The following CBFA2T3 variants were observed in gnomAD, a reference collection of about 807,000 sequenced individuals.
CBFA2T3 encodes CBFA2/RUNX1 partner transcriptional co-repressor 3.
In CBFA2T3, 31 loss-of-function variants were observed where a neutral mutation model predicts 58.6. That is an observed-to-expected ratio of 0.53 (90% confidence interval 0.40 to 0.71). CBFA2T3 has a LOEUF of 0.71. Among genes scored for constraint, CBFA2T3 ranks in the 30% least tolerant of loss-of-function variants. The probability of loss-of-function intolerance (pLI) is 0.00; values close to 1 mark genes in which losing one functional copy is unlikely to be tolerated. For synonymous variants in CBFA2T3, 531 were observed against 421.9 expected (o/e 1.26, Z -3.17); for missense variants, 1,076 against 963.1 (o/e 1.12, Z -1.55).
rs1352210531 is a variant in CBFA2T3 at position 88,877,045 on chromosome 16, G to A, written c.1893C>T (p.Ala631=). The A allele has an allele frequency of 1.3e-5, 20 of 1,514,192 alleles. No individual in the cohort carries two copies. Among genetic ancestry groups the A allele is most frequent in the East Asian group, 7.5e-5 (3 of 40,062 alleles). 93.8% of individuals were successfully genotyped at this position (1,514,192 alleles called of 1,614,324 possible). Residue 631 remains alanine (A), a synonymous_variant, in exon 12 of 12, where the codon GCC becomes GCT. Coordinates refer to ENST00000268679, the MANE Select transcript of CBFA2T3 (RefSeq NM_005187.6). Reference sequence around the variant, plus strand: ...CGGGGCGAGAAGGCCCCGCAGAGCCGGCTTCGCTGGGGCTGGCAGCACCCA... The same window carrying A: ...CGGGGCGAGAAGGCCCCGCAGAGCCAGCTTCGCTGGGGCTGGCAGCACCCA... The part of the protein sequence containing the change: ...LPVGAASPSE[A]GSAGPSRPGS...
In CBFA2T3 at chr16:88,916,766, C is replaced by T. The variant is rs113589816; in HGVS notation, c.152-15110G>A. ...AATGCCTCTTGGCCACTGGCACAGG[C>T]CCCTCCTTGCTACAGCCCCTGGGGG... On this transcript the variant is annotated intron_variant, in intron 1 of 11. Transcript: ENST00000268679. 5.3e-3 allele frequency among the ~76,000 whole-genome samples: 808 copies of T among 152,216 alleles called. 9 individuals carry two copies. The highest frequency in any genetic ancestry group is 0.016 in the African/African-American group (673 of 41,502).
chr16:88,889,945 GTGCGATTCCTCCTCCTCCAGGGACGA>G (rs1373144704), intron 5 of CBFA2T3, among the ~76,000 whole-genome samples: 11 of 130,236 alleles, frequency 8.4e-5, no homozygotes, highest in African/African-American at 3.0e-4. Context: ...GGACGACGCC[GTGCGATTCCTCCTCCTCCAGGGACGA>G]CGCCCCGTGA....
intron 1 of CBFA2T3, among the ~76,000 whole-genome samples, chr16:88,970,424 C>G (rs1972621407): frequency 6.6e-6 from 1 of 152,202 alleles, no homozygotes; most frequent in South Asian, 2.1e-4. Flanking sequence ...GCTGCCTTGC[C>G]TCTGGGAGGG....
intron 1 of CBFA2T3, among the ~76,000 whole-genome samples, chr16:88,905,090 C>T (rs933698264): frequency 1.3e-5 from 2 of 151,850 alleles, no homozygotes; most frequent in Admixed American, 1.3e-4. Flanking sequence ...AGAGAACAGC[C>T]TAGGAGTTGG....
At chr16:88,960,969 C>T (rs1002802883) in intron 1 of CBFA2T3, among the ~76,000 whole-genome samples, 5 of 152,168 alleles carry the variant, frequency 3.3e-5, no homozygotes, top group Non-Finnish European at 4.4e-5. Flanking sequence ...GATACGCTTA[C>T]GATTTAAAAA....
At chr16:88,941,531 G>C (rs1427318434) in intron 1 of CBFA2T3, among the ~76,000 whole-genome samples, 1 of 148,574 alleles carries the variant, frequency 6.7e-6, no homozygotes, top group Non-Finnish European at 1.5e-5. Flanking sequence ...CCGGGGCGGC[G>C]CCCTAAGAAC....
At chr16:88,940,145 C>T (rs1971663666) in intron 1 of CBFA2T3, 1 of 154,246 alleles carries the variant, frequency 6.5e-6, no homozygotes, top group South Asian at 2.0e-4. Context: ...GTTTTTCTTC[C>T]TGGGCCCTGG....
chr16:88,910,370 C>CTT (rs1195423166), intron 1 of CBFA2T3, among the ~76,000 whole-genome samples: 1 of 152,236 alleles, frequency 6.6e-6, no homozygotes, highest in Non-Finnish European at 1.5e-5. Context: ...CTTCTCTTCT[C>CTT]TTGTGGATGC....
intron 1 of CBFA2T3, among the ~76,000 whole-genome samples, chr16:88,911,387 C>G (rs1970526146): frequency 1.3e-5 from 2 of 152,232 alleles, no homozygotes; most frequent in South Asian, 4.1e-4. Context: ...GAGTCTCTGG[C>G]TCCCCTTGGG....
intron 1 of CBFA2T3, among the ~76,000 whole-genome samples, chr16:88,969,052 C>T (rs980179784): frequency 3.9e-5 from 6 of 152,154 alleles, no homozygotes; most frequent in African/African-American, 1.4e-4. Context: ...CCTGGTGCCC[C>T]CGTTTTGAGG....
intron 8 of CBFA2T3, chr16:88,881,751 A>C: frequency 1.6e-5 from 7 of 434,062 alleles, no homozygotes; most frequent in Admixed American, 3.8e-5. Context: ...CTCCTTTTTA[A>C]CCCGCTCAGC....
intron 1 of CBFA2T3, among the ~76,000 whole-genome samples, chr16:88,904,726 A>AT (rs1432581892): frequency 6.6e-6 from 1 of 150,440 alleles, no homozygotes; most frequent in Non-Finnish European, 1.5e-5. Flanking sequence ...CCCACCCCGG[A>AT]TTGTGCGGGG....
At chr16:88,944,363 A>T (rs954729532) in intron 1 of CBFA2T3, among the ~76,000 whole-genome samples, 1 of 150,688 alleles carries the variant, frequency 6.6e-6, no homozygotes, top group Non-Finnish European at 1.5e-5. Flanking sequence ...AAAAAAAGGA[A>T]ACCACCTCCC....
At chr16:88,897,997 C>A (rs1969951925) in intron 3 of CBFA2T3, 81 bp downstream of exon 3, 1 of 1,034,286 alleles carries the variant, frequency 9.7e-7, no homozygotes, top group South Asian at 1.3e-5. Context: ...TGAGCGCCCC[C>A]AGGGCAGCAG....
At chr16:88,973,051 G>A (rs1376355966) in intron 1 of CBFA2T3, among the ~76,000 whole-genome samples, 3 of 152,222 alleles carry the variant, frequency 2.0e-5, no homozygotes, top group African/African-American at 7.2e-5. Context: ...CAGCTCCAAA[G>A]CCCAGCAGAC....
chr16:88,895,683 C>G (rs1001775945), intron 3 of CBFA2T3, among the ~76,000 whole-genome samples: 6 of 152,194 alleles, frequency 3.9e-5, no homozygotes, highest in African/African-American at 1.4e-4. Context: ...CTCACTCCAG[C>G]CTGGGCCTCA....
At chr16:88,896,889 C>T (rs1437532922) in intron 3 of CBFA2T3, among the ~76,000 whole-genome samples, 2 of 152,180 alleles carry the variant, frequency 1.3e-5, no homozygotes, top group African/African-American at 4.8e-5. Flanking sequence ...TGCCCGCGCA[C>T]TCCCTCCCGC....
At position 88,874,902 on chromosome 16, in the gene CBFA2T3, T is replaced by C. The variant is rs1362783920; in HGVS notation, c.*2074A>G. The C allele has an allele frequency of 4.3e-6, 1 of 232,274 alleles. No individual in the cohort carries two copies. Among genetic ancestry groups the C allele is most frequent in the Non-Finnish European group, 8.5e-6 (1 of 117,144 alleles). 14.4% of individuals were successfully genotyped at this position (232,274 alleles called of 1,614,324 possible). A position where few individuals can be genotyped will look rare whatever the true frequency, so the allele number is the denominator to read the frequency against. On this transcript the variant is annotated 3_prime_UTR_variant, in exon 12 of 12. Transcript: ENST00000268679. ...TTGGCAAACATCTCGTTTATTACCATCATGAATATCATTTGGACCTCTGCA... is the reference window on the plus strand; with the variant it reads ...TTGGCAAACATCTCGTTTATTACCACCATGAATATCATTTGGACCTCTGCA...
chr16:88,965,267 CT>C (rs1178732802), intron 1 of CBFA2T3, among the ~76,000 whole-genome samples: 1 of 152,242 alleles, frequency 6.6e-6, no homozygotes, highest in African/African-American at 2.4e-5. Context: ...AGGACCAGTT[CT>C]GCCCTTTGTT....
Sources: allele counts gnomAD v4.1 joint callset (sites outside exome capture counted in the v4.1 genomes callset), GRCh38; gene constraint gnomAD v4.1.1; transcripts MANE v1.5; gene names NCBI Gene and HGNC (gene_info 2026-07-23, HGNC 2026-07-21).